Variants in CLRN1 observed in about 807,000 individuals in gnomAD.
The protein encoded by CLRN1 is clarin-1.
Under a neutral mutation model 18.7 loss-of-function variants are expected in CLRN1, and 15 were observed. The ratio of observed to expected loss-of-function variants is 0.80; its 90% CI spans 0.54 to 1.23. The LOEUF (loss-of-function observed/expected upper bound fraction) is 1.23. Among genes scored for constraint, CLRN1 ranks in the 50% most tolerant of loss-of-function variants. The probability of loss-of-function intolerance (pLI) is 0.00; values close to 1 mark genes in which losing one functional copy is unlikely to be tolerated. For synonymous variants in CLRN1, 104 were observed against 102.9 expected, an observed-to-expected ratio of 1.01 and a Z score of -0.07; for missense variants, 311 against 277.5, an observed-to-expected ratio of 1.12 and a Z score of -0.86.
chr3:150,947,728 A>G (rs945984771), intron 1 of CLRN1, among the ~76,000 whole-genome samples: 4 of 152,252 alleles, frequency 2.6e-5, no homozygotes, highest in African/African-American at 9.6e-5. Flanking sequence ...CAATAAAAAT[A>G]GAAGTCAAGA....
intron 2 of CLRN1, 61 bp from the exon 3 acceptor site, chr3:150,928,262 A>C (rs1712941330): frequency 6.3e-7 from 1 of 1,592,076 alleles, no homozygotes; most frequent in Admixed American, 1.7e-5. Context: ...GACAGGGAAG[A>C]GGGTCAATGT....
chr3:150,940,816 C>T (rs1182389897), intron 2 of CLRN1, among the ~76,000 whole-genome samples: 4 of 152,142 alleles, frequency 2.6e-5, no homozygotes, highest in African/African-American at 4.8e-5. Context: ...TCTTTTCCAT[C>T]AGCCCTAGCT....
intron 2 of CLRN1, among the ~76,000 whole-genome samples, chr3:150,934,031 G>C (rs968655221): frequency 6.6e-6 from 1 of 152,126 alleles, no homozygotes; most frequent in African/African-American, 2.4e-5. Flanking sequence ...TTGATGACTG[G>C]ACATCCCTGT....
intron 1 of CLRN1, chr3:150,945,733 C>G (rs1037780879): frequency 6.8e-5 from 65 of 952,010 alleles, no homozygotes; most frequent in Non-Finnish European, 2.0e-5. Context: ...ATTTTCAATA[C>G]ATCATGTTTA....
At chr3:150,951,761 G>T (rs535809824) in intron 1 of CLRN1, among the ~76,000 whole-genome samples, 1 of 152,140 alleles carries the variant, frequency 6.6e-6, no homozygotes, top group Non-Finnish European at 1.5e-5. Flanking sequence ...AAGGCAAAGC[G>T]GGAGCCAACA....
chr3:150,935,002 C>T (rs1713377751), intron 2 of CLRN1, among the ~76,000 whole-genome samples: 1 of 152,014 alleles, frequency 6.6e-6, no homozygotes, highest in Non-Finnish European at 1.5e-5. Flanking sequence ...TCATAATCTC[C>T]CAGTTTTCCT....
At chr3:150,971,864 T>A (rs1371231544) in intron 1 of CLRN1, among the ~76,000 whole-genome samples, 1 of 152,174 alleles carries the variant, frequency 6.6e-6, no homozygotes, top group Non-Finnish European at 1.5e-5. Flanking sequence ...GGTCAATCAG[T>A]TTAAAATGTT....
intron 1 of CLRN1, among the ~76,000 whole-genome samples, chr3:150,954,957 GTTTAC>G (rs1272409919): frequency 6.6e-6 from 1 of 152,156 alleles, no homozygotes; most frequent in African/African-American, 2.4e-5. Flanking sequence ...GTATGCAAAT[GTTTAC>G]TTTATTCATA....
At chr3:150,934,837 G>A (rs990017565) in intron 2 of CLRN1, among the ~76,000 whole-genome samples, 2 of 150,802 alleles carry the variant, frequency 1.3e-5, no homozygotes, top group Non-Finnish European at 3.0e-5. Context: ...CTCTCTCTCT[G>A]TCTCTCTCTT....
At position 150,926,957 on chromosome 3, in the gene CLRN1, T is replaced by A; in HGVS notation, c.*979A>T. The stretch of plus-strand genomic sequence containing the variant: ...GGTGACAGCCAGAACAAGACCAAGA[T>A]GATACAGTGATACCGTCATAATCCC... On this transcript the variant is annotated 3_prime_UTR_variant, in exon 3 of 3. Coordinates refer to ENST00000327047, the MANE Select transcript of CLRN1 (RefSeq NM_174878.3). 1.9e-6 allele frequency: 3 copies of A among 1,602,870 alleles called. No homozygotes were observed. Among genetic ancestry groups the A allele is most frequent in the Non-Finnish European group, 2.6e-6 (3 of 1,171,318 alleles).
chr3:150,970,714 G>A (rs554543801), intron 1 of CLRN1, among the ~76,000 whole-genome samples: 1 of 152,222 alleles, frequency 6.6e-6, no homozygotes, highest in East Asian at 1.9e-4. Flanking sequence ...GGGGTATCTG[G>A]GAGCTAATGA....
At chr3:150,945,568 T>C (rs1714119429) in intron 1 of CLRN1, 1 of 1,286,944 alleles carries the variant, frequency 7.8e-7, no homozygotes, top group African/African-American at 1.5e-5. Context: ...GAGCATCCTC[T>C]TCGTAAATAC....
chr3:150,957,704 G>A (rs1714820567), intron 1 of CLRN1, among the ~76,000 whole-genome samples: 2 of 152,142 alleles, frequency 1.3e-5, no homozygotes, highest in South Asian at 4.1e-4. Context: ...TGTCGCCCAG[G>A]CTGGAGTGCA....
rs777680718 is a variant in CLRN1 at position 150,928,015 on chromosome 3, C to T, written c.620G>A (p.Arg207Gln). ...FVHFLNGLLI[R>Q]LAGFQFPFAK... is the part of the protein sequence containing the mutation. ...AAAAGGGAACTGAAATCCAGCAAGT[C>T]GTATTAGGAGCCCATTCAGAAAATG... Residue 207 changes from arginine to glutamine, a missense_variant, in exon 3 of 3, where the codon CGA becomes CAA. By Grantham distance (43) the Arg-to-Gln change is conservative. Coordinates refer to ENST00000327047, the MANE Select transcript of CLRN1 (RefSeq NM_174878.3). 25 of 1,613,944 alleles carry T rather than the reference C, an allele frequency of 1.5e-5. No individual in the cohort carries two copies. Among genetic ancestry groups the T allele is most frequent in the African/African-American group, 6.7e-5 (5 of 74,872 alleles).
chr3:150,972,885 C>A (rs979137006), upstream of CLRN1: 2 of 786,324 alleles, frequency 2.5e-6, no homozygotes, highest in South Asian at 2.9e-5. Context: ...ATGAAGGCCT[C>A]ATCATCACTC....
chr3:150,965,013 A>G (rs923561655), intron 1 of CLRN1, among the ~76,000 whole-genome samples: 7 of 152,200 alleles, frequency 4.6e-5, no homozygotes, highest in Middle Eastern at 3.2e-3. Context: ...ACAAACCTGC[A>G]TGTTCTGCAC....
chr3:150,945,443 A>C lies in CLRN1; in HGVS notation c.254-3682T>G, dbSNP rs1714112188. 2.5e-6 allele frequency: 3 copies of C among 1,177,180 alleles called. No homozygotes were observed. In the Admixed American group the frequency reaches 7.2e-5, roughly 28 times the overall value. The allele number at this position is 1,177,180 out of a possible 1,614,324, so 72.9% of individuals were successfully genotyped here. On this transcript the variant is annotated intron_variant, in intron 1 of 2. Transcript: ENST00000327047. ...ACTCTACTCCTGACCACATGCTGGA[A>C]GGGGGCCAGGAGAGAAAGTTTCATT...
At chr3:150,935,020 C>G (rs1214509899) in intron 2 of CLRN1, among the ~76,000 whole-genome samples, 1 of 152,084 alleles carries the variant, frequency 6.6e-6, no homozygotes, top group Non-Finnish European at 1.5e-5. Context: ...CCTTTTTCCT[C>G]TTTTTCTTTG....
chr3:150,966,100 G>T (rs7625985), intron 1 of CLRN1, among the ~76,000 whole-genome samples: 19,662 of 152,198 alleles, frequency 0.13, 1,389 homozygotes, highest in East Asian at 0.24. Context: ...CAGGAGGATT[G>T]CTTGAGCCCA....
Sources: gnomAD v4.1 joint callset for allele counts (sites outside exome capture counted in the v4.1 genomes callset) on GRCh38, gnomAD v4.1.1 for gene constraint, MANE v1.5 for transcripts, NCBI Gene and HGNC (gene_info 2026-07-23, HGNC 2026-07-21) for gene names.